ACTR3C: variants seen among roughly 807,000 people sequenced by gnomAD.
ACTR3C encodes the protein actin related protein 3C, also known as actin-related protein 3C.
In ACTR3C, 18 loss-of-function variants were observed where a neutral mutation model predicts 26.3. The ratio of observed to expected loss-of-function variants is 0.68; its 90% CI spans 0.47 to 1.01. The LOEUF (loss-of-function observed/expected upper bound fraction) is 1.01, where lower values mean the gene tolerates loss of function less well. Among genes scored for constraint, ACTR3C ranks in the 50% least tolerant of loss-of-function variants. ACTR3C has a pLI of 0.00. For missense variants in ACTR3C, 184 were observed against 250.7 expected, an observed-to-expected ratio of 0.73 and a Z score of 1.80; for synonymous variants, 55 against 94.5, an observed-to-expected ratio of 0.58 and a Z score of 2.42.
At chr7:149,898,714 A>AG in the ACTR3C span, among the ~76,000 whole-genome samples, 1 of 152,130 alleles carries the variant, frequency 6.6e-6, no homozygotes, top group Admixed American at 6.6e-5. Context: ...GTAAAAAAAA[A>AG]TAATAATCAA....
the ACTR3C span, among the ~76,000 whole-genome samples, chr7:149,913,139 C>A: frequency 1.3e-5 from 2 of 152,060 alleles, no homozygotes; most frequent in Non-Finnish European, 2.9e-5. Context: ...CTAAAAAGTA[C>A]GCATCCTCAA....
At chr7:150,131,753 T>C in the ACTR3C span, among the ~76,000 whole-genome samples, 1 of 152,144 alleles carries the variant, frequency 6.6e-6, no homozygotes. Context: ...CAAAAGCACG[T>C]ACACAAATAT....
chr7:150,226,756 G>GA, the ACTR3C span, among the ~76,000 whole-genome samples: 1 of 152,026 alleles, frequency 6.6e-6, no homozygotes, highest in Non-Finnish European at 1.5e-5. Context: ...GTTTTAATTT[G>GA]AAAATCCCTA....
At chr7:149,963,047 A>G in the ACTR3C span, among the ~76,000 whole-genome samples, 9 of 152,192 alleles carry the variant, frequency 5.9e-5, no homozygotes, top group Non-Finnish European at 1.3e-4. Context: ...AGAGGTGTGG[A>G]CCTCATTAGC....
the ACTR3C span, among the ~76,000 whole-genome samples, chr7:150,227,688 G>GTGTTTTTTTTTTTTT: frequency 2.7e-5 from 3 of 111,382 alleles, no homozygotes; most frequent in Admixed American, 8.7e-5. Flanking sequence ...TTGTGTCTGG[G>GTGTTTTTTTTTTTTT]TTTTTTTTTT....
the ACTR3C span, among the ~76,000 whole-genome samples, chr7:149,893,891 T>C: frequency 6.6e-6 from 1 of 152,170 alleles, no homozygotes. Context: ...ACAGTCCTTA[T>C]CAAAATACCA....
the ACTR3C span, among the ~76,000 whole-genome samples, chr7:149,892,625 C>G: frequency 2.7e-5 from 3 of 109,418 alleles, no homozygotes; most frequent in African/African-American, 8.1e-5. Flanking sequence ...AGGAAATGAG[C>G]TGCTCTACTT....
the ACTR3C span, among the ~76,000 whole-genome samples, chr7:149,949,187 T>C: frequency 8.9e-5 from 13 of 145,418 alleles, no homozygotes; most frequent in African/African-American, 3.7e-4. Flanking sequence ...TGTTTGTGTG[T>C]GTATATACAT....
At chr7:150,157,932 T>G in the ACTR3C span, among the ~76,000 whole-genome samples, 1 of 152,120 alleles carries the variant, frequency 6.6e-6, no homozygotes, top group African/African-American at 2.4e-5. Context: ...ACAGAAACTT[T>G]AAGGCACTAG....
chr7:150,273,366 C>G (rs1834598876), intron 6 of ACTR3C, among the ~76,000 whole-genome samples: 2 of 148,862 alleles, frequency 1.3e-5, no homozygotes, highest in South Asian at 4.4e-4. Context: ...CAGCCTCGAC[C>G]TTCTGGGCTC....
At chr7:150,209,206 CAGAGAGAGAG>C in the ACTR3C span, among the ~76,000 whole-genome samples, 1 of 136,182 alleles carries the variant, frequency 7.3e-6, no homozygotes, top group African/African-American at 3.2e-5. Flanking sequence ...CACACACATA[CAGAGAGAGAG>C]AGAGAGAGAG....
chr7:150,203,644 C>A, the ACTR3C span, among the ~76,000 whole-genome samples: 2 of 152,304 alleles, frequency 1.3e-5, no homozygotes, highest in South Asian at 2.1e-4. Context: ...CGGCTCACTG[C>A]AACCTCCACC....
chr7:150,097,379 C>T, the ACTR3C span, among the ~76,000 whole-genome samples: 2 of 151,624 alleles, frequency 1.3e-5, no homozygotes, highest in African/African-American at 2.4e-5. Context: ...ATTGGGGACA[C>T]ACACATTAGT....
chr7:150,022,175 G>C, the ACTR3C span, among the ~76,000 whole-genome samples: 5 of 152,148 alleles, frequency 3.3e-5, no homozygotes, highest in Middle Eastern at 3.4e-3. Context: ...CAGGAGTAAG[G>C]TGGTATTGCA....
chr7:150,321,967 T>C (rs369123147), intron 1 of ACTR3C, among the ~76,000 whole-genome samples: 7 of 152,224 alleles, frequency 4.6e-5, no homozygotes, highest in Admixed American at 2.6e-4. Flanking sequence ...TATGTCCAAC[T>C]GAGGAGGTGG....
At chr7:150,012,229 C>G in the ACTR3C span, among the ~76,000 whole-genome samples, 12 of 151,054 alleles carry the variant, frequency 7.9e-5, no homozygotes, top group South Asian at 2.3e-3. Context: ...CTTTCCCTTT[C>G]TTACTCTAGG....
the ACTR3C span, among the ~76,000 whole-genome samples, chr7:150,194,746 G>T: frequency 1.3e-5 from 2 of 151,926 alleles, no homozygotes; most frequent in Admixed American, 1.3e-4. Context: ...ATTGGTGGTT[G>T]CCCTAAGGTT....
the ACTR3C span, among the ~76,000 whole-genome samples, chr7:150,020,105 T>G: frequency 6.6e-6 from 1 of 152,086 alleles, no homozygotes; most frequent in Non-Finnish European, 1.5e-5. Context: ...ACACAAACAG[T>G]GCAACAATGC....
chr7:150,207,441 T>G, the ACTR3C span, among the ~76,000 whole-genome samples: 2 of 152,106 alleles, frequency 1.3e-5, no homozygotes. Flanking sequence ...GTATTCAGCA[T>G]TGGATAAATT....
Sources: allele counts gnomAD v4.1 joint callset (sites outside exome capture counted in the v4.1 genomes callset), GRCh38; gene constraint gnomAD v4.1.1; transcripts MANE v1.5; gene names NCBI Gene and HGNC (gene_info 2026-07-23, HGNC 2026-07-21).